Variants in PLS3 observed in about 807,000 individuals in gnomAD.
The protein encoded by PLS3 is plastin-3.
Under a neutral mutation model 46.5 loss-of-function variants are expected in PLS3, and 11 were observed. The ratio of observed to expected loss-of-function variants is 0.24; its 90% CI spans 0.15 to 0.39. The LOEUF (loss-of-function observed/expected upper bound fraction) is 0.39, where lower values mean the gene tolerates loss of function less well. Ranked by LOEUF, PLS3 falls within the 10% of genes least tolerant of loss-of-function variation. The pLI is 1.00. For synonymous variants in PLS3, 167 were observed against 162.2 expected (o/e 1.03, Z -0.22); for missense variants, 308 against 461.8 (o/e 0.67, Z 3.05).
intron 1 of PLS3, among the ~76,000 whole-genome samples, chrX:115,601,172 C>T (rs2074439270): frequency 1.8e-5 from 2 of 109,375 alleles, no homozygotes; most frequent in Middle Eastern, 4.8e-3. Flanking sequence ...AGTGGTCTCT[C>T]CAGGGAGTGG....
At chrX:115,565,608 G>A (rs1296507388) in intron 1 of PLS3, among the ~76,000 whole-genome samples, 1 of 111,514 alleles carries the variant, frequency 9.0e-6, no homozygotes, top group Non-Finnish European at 1.9e-5. Context: ...TGGTTTGCTG[G>A]GTTTTATTTT....
chrX:115,618,090 C>T (rs1009771068), intron 2 of PLS3, among the ~76,000 whole-genome samples: 2 of 111,486 alleles, frequency 1.8e-5, no homozygotes, highest in Admixed American at 9.5e-5. Context: ...CCAGTCCCAG[C>T]CACCAGACCT....
chrX:115,638,782 G>A (rs1441264377), intron 8 of PLS3, among the ~76,000 whole-genome samples: 3 of 107,878 alleles, frequency 2.8e-5, no homozygotes, highest in East Asian at 2.9e-4. Flanking sequence ...GCGCCATCTC[G>A]GCTCACTGCA....
chrX:115,589,319 GA>G lies in PLS3; in HGVS notation c.-8-20917del, dbSNP rs781864245. On this transcript the variant is annotated intron_variant, in intron 1 of 15. Coordinates refer to ENST00000355899, the MANE Select transcript of PLS3 (RefSeq NM_005032.7). ...TTCTGACTTATTTTTCCCCAAATAT[GA>G]AAAAAATGATTACATATATGACTTG... Among the ~76,000 whole-genome samples, 130 of 111,174 alleles carry G rather than the reference GA, an allele frequency of 1.2e-3. 1 individual carries two copies. The highest frequency in any genetic ancestry group is 4.1e-3 in the African/African-American group (124 of 30,613).
rs149571314 is a variant in PLS3, at chrX:115,589,264, G to A, written c.-8-20979G>A. On this transcript the variant is annotated intron_variant, in intron 1 of 15. Transcript: ENST00000355899. ...TGGGATTACAAGCACCAGCCACCAC[G>A]CCTGGCCAGAATATTGAAATTAAGA... Among the ~76,000 whole-genome samples the A allele has an allele frequency of 6.5e-3, 721 of 111,429 alleles. 4 individuals are homozygous for A. Among genetic ancestry groups the A allele is most frequent in the African/African-American group, 0.022 (688 of 30,638 alleles).
intron 1 of PLS3, among the ~76,000 whole-genome samples, chrX:115,567,164 G>A (rs2074180771): frequency 9.0e-6 from 1 of 111,590 alleles, no homozygotes; most frequent in African/African-American, 3.3e-5. Context: ...GCCCATAATG[G>A]GAGGTTTCGT....
intron 1 of PLS3, among the ~76,000 whole-genome samples, chrX:115,603,758 C>A (rs2074466246): frequency 9.0e-6 from 1 of 110,919 alleles, no homozygotes; most frequent in African/African-American, 3.3e-5. Context: ...CAGAGTGTAA[C>A]CCTGTCTCAA....
chrX:115,644,899 G>A (rs911417557), intron 10 of PLS3, 122 bp from the exon 11 acceptor site: 6 of 453,715 alleles, frequency 1.3e-5, no homozygotes, highest in Middle Eastern at 3.8e-4. Context: ...TTGGAAACTC[G>A]TATTATCGAA....
Position 115,610,282 on chromosome X carries a change from A to G in PLS3, c.32A>G (p.Lys11Arg). MDEMATTQIS[K>R]DELDELKEAF... ...GAGATGGCTACCACTCAGATTTCCA[A>G]AGATGAGCTTGATGAACTCAAAGAG... The change falls in exon 2 of 16, where the codon AAA becomes AGA. Residue 11 changes from lysine (K) to arginine (R), a missense_variant. Around this residue, in one of 2 missense-constraint regions of PLS3, gnomAD observed 37 missense variants for 26.1 expected, o/e 1.42. Coordinates refer to ENST00000355899, the MANE Select transcript of PLS3 (RefSeq NM_005032.7). The G allele has an allele frequency of 8.5e-7, 1 of 1,178,974 alleles. No individual in the cohort carries two copies. The highest frequency in any genetic ancestry group is 1.1e-6 in the Non-Finnish European group (1 of 874,224).
At chrX:115,567,632 C>A (rs1444901181) in intron 1 of PLS3, among the ~76,000 whole-genome samples, 1 of 107,719 alleles carries the variant, frequency 9.3e-6, no homozygotes, top group Non-Finnish European at 1.9e-5. Context: ...CAAAAAAAAA[C>A]AGAAAATGTG....
chrX:115,620,706 C>CTTTTTTTTTTTTTTTTTTTTTTTTT (rs1176959674), intron 2 of PLS3, among the ~76,000 whole-genome samples: 4 of 54,731 alleles, frequency 7.3e-5, no homozygotes, highest in Non-Finnish European at 1.3e-4. Flanking sequence ...TTTTTCTTTT[C>CTTTTTTTTTTTTTTTTTTTTTTTTT]TTTTTTTTTT....
intron 1 of PLS3, among the ~76,000 whole-genome samples, chrX:115,604,843 A>T (rs782215619): frequency 1.8e-5 from 2 of 112,054 alleles, no homozygotes; most frequent in East Asian, 2.8e-4. Flanking sequence ...AAGTTACTTA[A>T]TGTGATGTTT....
chrX:115,619,606 G>A, intron 2 of PLS3, among the ~76,000 whole-genome samples: 1 of 112,983 alleles, frequency 8.9e-6, no homozygotes, highest in Non-Finnish European at 1.9e-5. Flanking sequence ...CCAAAGCAAA[G>A]AAAGTGAATA....
At chrX:115,628,089 C>T (rs138147879) in intron 3 of PLS3, among the ~76,000 whole-genome samples, 1,816 of 112,030 alleles carry the variant, frequency 0.016, 39 homozygotes, top group African/African-American at 0.056. Context: ...GCACTCCTTT[C>T]GGTCTGACAC....
intron 1 of PLS3, among the ~76,000 whole-genome samples, chrX:115,568,484 T>A: frequency 8.9e-6 from 1 of 111,967 alleles, no homozygotes. Context: ...CAAATATTTT[T>A]AAAAATGTTT....
At chrX:115,575,644 C>T (rs1254245985) in intron 1 of PLS3, among the ~76,000 whole-genome samples, 4 of 111,325 alleles carry the variant, frequency 3.6e-5, no homozygotes, top group Non-Finnish European at 5.7e-5. Context: ...GGGGTTTCAC[C>T]GTGTTAGCCA....
At chrX:115,590,963 C>T in intron 1 of PLS3, among the ~76,000 whole-genome samples, 1 of 110,023 alleles carries the variant, frequency 9.1e-6, no homozygotes, top group East Asian at 2.9e-4. Context: ...ACGGTGAAAT[C>T]CCGTCTCTAC....
chrX:115,635,100 A>G, intron 7 of PLS3, 54 bp downstream of exon 7: 2 of 1,055,668 alleles, frequency 1.9e-6, no homozygotes, highest in South Asian at 2.1e-5. Flanking sequence ...TTTTCTAGTC[A>G]TGCAGACTTT....
chrX:115,563,206 C>T (rs1031554031), intron 1 of PLS3, among the ~76,000 whole-genome samples: 1 of 111,633 alleles, frequency 9.0e-6, no homozygotes, highest in South Asian at 3.8e-4. Context: ...TTGAACTGTT[C>T]CCTATTTTAG....
Sources: gnomAD v4.1 joint callset for allele counts (sites outside exome capture counted in the v4.1 genomes callset) on GRCh38, gnomAD v4.1.1 for gene constraint, gnomAD v4.1.1 regional missense constraint, MANE v1.5 for transcripts, NCBI Gene and HGNC (gene_info 2026-07-23, HGNC 2026-07-21) for gene names.